The following ZSCAN5A variants were observed in gnomAD, a reference collection of about 807,000 sequenced individuals.
The protein encoded by ZSCAN5A is zinc finger and SCAN domain-containing protein 5A.
In ZSCAN5A, 12 loss-of-function variants were observed where a neutral mutation model predicts 23.7. That is an observed-to-expected ratio of 0.51 (90% CI 0.32 to 0.82). The LOEUF is 0.82. ZSCAN5A is among the 40% of genes least tolerant of loss of function. The pLI is 0.03. For synonymous variants in ZSCAN5A, 257 were observed against 239.9 expected, an observed-to-expected ratio of 1.07 and a Z score of -0.66; for missense variants, 597 against 617.9, an observed-to-expected ratio of 0.97 and a Z score of 0.36.
At chr19:56,255,101 G>A (rs1378618830) in intron 2 of ZSCAN5A, among the ~76,000 whole-genome samples, 1 of 151,994 alleles carries the variant, frequency 6.6e-6, no homozygotes, top group Non-Finnish European at 1.5e-5. Context: ...GTGAGGTACA[G>A]TAAATGGCAC....
intron 2 of ZSCAN5A, among the ~76,000 whole-genome samples, chr19:56,239,986 AC>A (rs1427978017): frequency 6.6e-6 from 1 of 151,938 alleles, no homozygotes; most frequent in Non-Finnish European, 1.5e-5. Flanking sequence ...ACATGGTGAA[AC>A]CCCGTCTCTA....
chr19:56,299,718 A>G lies in ZSCAN5A; in HGVS notation c.-128+13565T>C, dbSNP rs192762921. On this transcript the variant is annotated intron_variant, in intron 2 of 5. Coordinates refer to ENST00000683990, the MANE Select transcript of ZSCAN5A (RefSeq NM_001322064.3). ...CTAGATTACTTATAATACAATGTAA[A>G]TGCTCCTTAGTTATTGTACTGTTAT... 5 of 152,304 alleles carry G rather than the reference A, an allele frequency of 3.3e-5. No homozygotes were observed. The East Asian group carries it at 9.6e-4, about 29-fold the overall frequency. The allele number at this position is 152,304 out of a possible 1,614,324, so 9.4% of individuals were successfully genotyped here. A position where few individuals can be genotyped will look rare whatever the true frequency, so the allele number is the denominator to read the frequency against.
chr19:56,364,963 G>A (rs2041755916), intron 1 of ZSCAN5A: 1 of 152,172 alleles, frequency 6.6e-6, no homozygotes, highest in Admixed American at 6.5e-5. Context: ...TACCTTCTAG[G>A]TGATGGTTAC....
intron 2 of ZSCAN5A, among the ~76,000 whole-genome samples, chr19:56,326,178 C>A (rs1445974630): frequency 6.6e-6 from 1 of 151,944 alleles, no homozygotes; most frequent in Non-Finnish European, 1.5e-5. Context: ...ACCTCGTGAT[C>A]GGCCCGCCTC....
chr19:56,353,942 T>A (rs921296038), intron 2 of ZSCAN5A, among the ~76,000 whole-genome samples: 3 of 152,162 alleles, frequency 2.0e-5, no homozygotes, highest in Non-Finnish European at 4.4e-5. Context: ...ATACAAACAA[T>A]GGAATATTAG....
At chr19:56,265,746 G>A (rs1300022788) in intron 2 of ZSCAN5A, among the ~76,000 whole-genome samples, 1 of 152,110 alleles carries the variant, frequency 6.6e-6, no homozygotes, top group African/African-American at 2.4e-5. Context: ...CACCTGAAAA[G>A]CATTAAATCT....
intron 2 of ZSCAN5A, among the ~76,000 whole-genome samples, chr19:56,339,819 C>T (rs987586736): frequency 2.6e-5 from 4 of 151,416 alleles, no homozygotes; most frequent in African/African-American, 9.7e-5. Context: ...GTTGTAGCCG[C>T]ATTTAGCAAT....
At chr19:56,273,506 C>T (rs2038012231) in intron 2 of ZSCAN5A, among the ~76,000 whole-genome samples, 1 of 152,208 alleles carries the variant, frequency 6.6e-6, no homozygotes, top group African/African-American at 2.4e-5. Flanking sequence ...GCTAAACACA[C>T]ACATTCTAGT....
chr19:56,222,655 C>T lies in ZSCAN5A; in HGVS notation c.675G>A (p.Leu225=), dbSNP rs1457842727. The T allele has an allele frequency of 6.2e-7, 1 of 1,614,094 alleles. No individual in the cohort carries two copies. The highest frequency in any genetic ancestry group is 8.5e-7 in the Non-Finnish European group (1 of 1,180,040). Residue 225 remains leucine (L), a synonymous_variant, in exon 5 of 6, where the codon CTG becomes CTA. Transcript: ENST00000683990. ...LRPKQTLEKD[L]KENREENPGL... is the part of the protein sequence containing the mutation. ...CTGGGTTCTCTTCCCTGTTTTCCTT[C>T]AGATCCTTCTCCAAGGTCTGCTTGG... is the stretch of plus-strand genomic sequence containing the variant.
At chr19:56,333,383 C>T (rs2041506926) in intron 2 of ZSCAN5A, among the ~76,000 whole-genome samples, 2 of 150,976 alleles carry the variant, frequency 1.3e-5, no homozygotes, top group African/African-American at 2.4e-5. Context: ...TGAGTTTCTT[C>T]AAAAGACCAG....
intron 2 of ZSCAN5A, among the ~76,000 whole-genome samples, chr19:56,346,844 C>T (rs1234194822): frequency 6.6e-6 from 1 of 152,134 alleles, no homozygotes; most frequent in Non-Finnish European, 1.5e-5. Flanking sequence ...TCTCCTGCCT[C>T]GGCCTCCCGA....
chr19:56,293,643 A>G (rs2039667220), intron 2 of ZSCAN5A, among the ~76,000 whole-genome samples: 1 of 152,102 alleles, frequency 6.6e-6, no homozygotes, highest in Non-Finnish European at 1.5e-5. Context: ...CCAGCCTCAT[A>G]TGGTTGTGAG....
At chr19:56,229,676 C>A (rs1011572350) in intron 2 of ZSCAN5A, among the ~76,000 whole-genome samples, 1 of 152,146 alleles carries the variant, frequency 6.6e-6, no homozygotes, top group Non-Finnish European at 1.5e-5. Context: ...GAGACCGCAT[C>A]GAATCTGCTG....
rs375744187 is a variant in ZSCAN5A, at chr19:56,223,701, C to T, written c.518G>A (p.Arg173His). Residue 173 changes from arginine (R) to histidine (H), a missense_variant, in exon 4 of 6, where the codon CGT (arginine) becomes CAT (histidine). Physicochemically the swap from Arg to His is conservative, Grantham distance 29 (BLOSUM62 0). Transcript: ENST00000683990. ...TCGGTGGGCCTGGCCTTCCCCTGGA[C>T]GCATCTGGTTCACCGAGGAGGCCCG... is the stretch of plus-strand genomic sequence containing the variant. ...SQRASSVNQM[R>H]PGEGQAHREL... The T allele has an allele frequency of 1.9e-5, 30 of 1,610,576 alleles. No homozygotes were observed. The highest frequency in any genetic ancestry group is 5.0e-5 in the Admixed American group (3 of 59,686).
intron 2 of ZSCAN5A, among the ~76,000 whole-genome samples, chr19:56,243,599 T>C (rs1053363328): frequency 6.6e-6 from 1 of 152,194 alleles, no homozygotes; most frequent in Non-Finnish European, 1.5e-5. Context: ...AAATAAGTTA[T>C]TGTTGCATCA....
At chr19:56,287,663 G>A (rs2039227800) in intron 2 of ZSCAN5A, among the ~76,000 whole-genome samples, 1 of 152,182 alleles carries the variant, frequency 6.6e-6, no homozygotes, top group African/African-American at 2.4e-5. Flanking sequence ...AATAACGGCA[G>A]GGGGTTGAGG....
chr19:56,351,988 A>T lies in ZSCAN5A; in HGVS notation c.-358+11247T>A, dbSNP rs985068732. ...TACACTTTCTTACCCAAAGTCAGGT[A>T]GGGAAGTGGGACCCGAAACTCAGGA... On this transcript the variant is annotated intron_variant, in intron 2 of 6. Transcript: ENST00000587340. The surrounding 1 kb of genome is among the most constrained non-coding windows in gnomAD (Gnocchi z 4.8). Among the ~76,000 whole-genome samples the T allele has an allele frequency of 6.6e-6, 1 of 152,226 alleles. No individual in the cohort carries two copies. Among genetic ancestry groups the T allele is most frequent in the African/African-American group, 2.4e-5 (1 of 41,454 alleles).
chr19:56,245,976 G>C (rs573143339), intron 2 of ZSCAN5A, among the ~76,000 whole-genome samples: 26 of 152,236 alleles, frequency 1.7e-4, no homozygotes, highest in African/African-American at 5.1e-4. Flanking sequence ...TGCCAGTGGT[G>C]CCAGGGGTTA....
intron 2 of ZSCAN5A, among the ~76,000 whole-genome samples, chr19:56,311,557 A>G (rs1023180526): frequency 1.3e-5 from 2 of 152,248 alleles, no homozygotes; most frequent in African/African-American, 2.4e-5. Flanking sequence ...ATCAGTTGGT[A>G]TATTTCATAG....
Sources: gnomAD v4.1 joint callset for allele counts (sites outside exome capture counted in the v4.1 genomes callset) on GRCh38, gnomAD v4.1.1 for gene constraint, Gnocchi (gnomAD v3.1) non-coding constraint, MANE v1.5 for transcripts, NCBI Gene and HGNC (gene_info 2026-07-23, HGNC 2026-07-21) for gene names.